FOXN1: variants seen among roughly 807,000 people sequenced by gnomAD.
The protein encoded by FOXN1 is forkhead box N1, also known as forkhead box protein N1.
Under a neutral mutation model 49.0 loss-of-function variants are expected in FOXN1, and 15 were observed. The observed-to-expected ratio is 0.31, with a 90% CI of 0.20 to 0.47. The LOEUF (loss-of-function observed/expected upper bound fraction) is 0.47, where lower values mean the gene tolerates loss of function less well. FOXN1 is among the 20% of genes least tolerant of loss of function. The pLI is 1.00. For missense variants in FOXN1, 800 were observed against 842.8 expected (o/e 0.95, Z 0.63); for synonymous variants, 356 against 369.0 (o/e 0.96, Z 0.40).
In FOXN1 at chr17:28,534,323, T is replaced by G; in HGVS notation, c.928-8T>G. 1 of 1,614,152 alleles carries G rather than the reference T, an allele frequency of 6.2e-7. No individual in the cohort carries two copies. The highest frequency in any genetic ancestry group is 8.5e-7 in the Non-Finnish European group (1 of 1,180,018). ...GGCCTGAATGCTTGTCTTGCTCTGT[T>G]CCGGCAGACAGCACCCGATGGCTGG... is the stretch of plus-strand genomic sequence containing the variant. On this transcript the variant is annotated splice_region_variant and splice_polypyrimidine_tract_variant and intron_variant, in intron 6 of 8. Coordinates refer to ENST00000579795, the MANE Select transcript of FOXN1 (RefSeq NM_001369369.1). This position sits in a 1 kb window ranked among gnomAD's most constrained non-coding sequence, Gnocchi z 4.1.
rs551310590 is a variant in FOXN1, at chr17:28,534,995, C to T, written c.1424C>T (p.Pro475Leu). Residue 475 changes from proline (P) to leucine (L), a missense_variant, in exon 8 of 9, where the codon CCG becomes CTG. Pro to Leu is a moderately conservative substitution (Grantham distance 98, BLOSUM62 -3). Around this residue, in one of 3 missense-constraint regions of FOXN1, gnomAD observed 344 missense variants for 366.1 expected, o/e 0.94. Coordinates refer to ENST00000579795, the MANE Select transcript of FOXN1 (RefSeq NM_001369369.1). This position sits in a 1 kb window ranked among gnomAD's most constrained non-coding sequence, Gnocchi z 4.1. ...PGPPQPLFPQ[P>L]DGHLELRAQP... Reference sequence around the variant, plus strand: ...CCCCCGCAGCCATTGTTCCCACAGCCGGACGGGCACCTTGAGCTGCGGGCC... The same window carrying T: ...CCCCCGCAGCCATTGTTCCCACAGCTGGACGGGCACCTTGAGCTGCGGGCC... 5.1e-5 allele frequency: 82 copies of T among 1,614,002 alleles called. 2 individuals are homozygous for T. In the South Asian group the frequency reaches 6.6e-4, roughly 13 times the overall value.
intron 4 of FOXN1, among the ~76,000 whole-genome samples, chr17:28,528,135 T>C (rs2069815703): frequency 6.6e-6 from 1 of 152,094 alleles, no homozygotes; most frequent in Non-Finnish European, 1.5e-5. Flanking sequence ...CTGGCCCTGA[T>C]CTCAGCCAAG....
chr17:28,533,535 G>A (rs1184075885), intron 6 of FOXN1, among the ~76,000 whole-genome samples: 2 of 121,474 alleles, frequency 1.6e-5, no homozygotes, highest in Non-Finnish European at 3.4e-5. Flanking sequence ...CACGCCCCCT[G>A]GGCACACTCA....
intron 5 of FOXN1, 33 bp downstream of exon 5, chr17:28,529,257 G>A (rs1254490585): frequency 1.2e-6 from 2 of 1,613,318 alleles, no homozygotes; most frequent in Non-Finnish European, 8.5e-7. Flanking sequence ...ATGGGAGGAG[G>A]AGGGGAGTGA....
Position 28,534,344 on chromosome 17 carries a change from G to T in FOXN1, c.941G>T (p.Gly314Val). Residue 314 changes from glycine to valine, a missense_variant, in exon 7 of 9, where the codon GGC becomes GTC. Physicochemically the swap from Gly to Val is moderately radical, Grantham distance 109. Around this residue, in one of 3 missense-constraint regions of FOXN1, gnomAD observed 73 missense variants for 118.9 expected, o/e 0.61. Transcript: ENST00000579795. This position sits in a 1 kb window ranked among gnomAD's most constrained non-coding sequence, Gnocchi z 4.1. ...CTGTTCCGGCAGACAGCACCCGATG[G>T]CTGGAAGAATTCTGTCCGGCACAAC... The part of the protein sequence containing the change: ...HFPYFKTAPD[G>V]WKNSVRHNLS... 1.2e-6 allele frequency: 2 copies of T among 1,614,178 alleles called. No individual in the cohort carries two copies. The highest frequency in any genetic ancestry group is 1.7e-6 in the Non-Finnish European group (2 of 1,180,024).
At chr17:28,532,683 G>A (rs956881953) in intron 6 of FOXN1, among the ~76,000 whole-genome samples, 2 of 152,214 alleles carry the variant, frequency 1.3e-5, no homozygotes, top group Non-Finnish European at 2.9e-5. Context: ...ACTGGACCCT[G>A]GAGTGGCCAG....
chr17:28,517,076 G>A (rs1332788054), intron 1 of FOXN1, among the ~76,000 whole-genome samples: 1 of 62,810 alleles, frequency 1.6e-5, no homozygotes, highest in African/African-American at 4.9e-5. Context: ...CCTCCACAGG[G>A]TACACACTTC....
In FOXN1 at chr17:28,524,665, T is replaced by A; in HGVS notation, c.286T>A (p.Ser96Thr). ...CCCTGGGCCCTTCAGGCTCTCACCC[T>A]CAGACAAGTATCCTGGCTTTGGCTT... Reference protein sequence around the residue: ...PGPGPFRLSPSDKYPGFGFEE... With the variant: ...PGPGPFRLSPTDKYPGFGFEE... The change falls in exon 3 of 9, where the codon TCA (serine) becomes ACA (threonine). Residue 96 changes from serine (S) to threonine (T), a missense_variant. Transcript: ENST00000579795. 6.2e-7 allele frequency: 1 copy of A among 1,613,566 alleles called. No homozygotes were observed.
At chr17:28,529,802 C>T (rs1169263416) in intron 5 of FOXN1, among the ~76,000 whole-genome samples, 2 of 152,144 alleles carry the variant, frequency 1.3e-5, no homozygotes, top group African/African-American at 4.8e-5. Context: ...ATCGGGTCAT[C>T]AGCTAGTGTG....
intron 1 of FOXN1, among the ~76,000 whole-genome samples, chr17:28,507,498 C>T (rs181106683): frequency 6.6e-6 from 1 of 152,304 alleles, no homozygotes; most frequent in African/African-American, 2.4e-5. Context: ...CCTATCCATC[C>T]CCTGCCCCTA....
At chr17:28,510,580 GCACACACACA>G (rs5819850) in intron 1 of FOXN1, among the ~76,000 whole-genome samples, 6,535 of 138,148 alleles carry the variant, frequency 0.047, 431 homozygotes, top group African/African-American at 0.15. Context: ...GCACACACAC[GCACACACACA>G]CACACACACA....
rs373841005 is a variant in FOXN1, at chr17:28,530,788, G to A, written c.870G>A (p.Gly290=). 12 of 1,600,124 alleles carry A rather than the reference G, an allele frequency of 7.5e-6. No individual in the cohort carries two copies. In the African/African-American group the frequency reaches 1.1e-4, roughly 15 times the overall value. The change falls in exon 6 of 9, where the codon GGG becomes GGA. Residue 290 remains glycine (G), a synonymous_variant. Coordinates refer to ENST00000579795, the MANE Select transcript of FOXN1 (RefSeq NM_001369369.1). ...TGGCCCTTAAGAACAGTAAAACTGG[G>A]AGCCTTCCCGTCAGCGAGATCTACA... ...IFMALKNSKT[G]SLPVSEIYNF... is the part of the protein sequence containing the mutation.
rs2069987278 is a variant in FOXN1, at chr17:28,534,075, G to A, written c.928-256G>A. Among the ~76,000 whole-genome samples, 1 of 152,190 alleles carries A rather than the reference G, an allele frequency of 6.6e-6. No individual in the cohort carries two copies. Among genetic ancestry groups the A allele is most frequent in the African/African-American group, 2.4e-5 (1 of 41,434 alleles). ...CCGAATCACCTCGGCAGTCCTCTGA[G>A]GGGTCAGGAAGGGATGCGGGTGGGA... On this transcript the variant is annotated intron_variant, in intron 6 of 8. Transcript: ENST00000579795. This position sits in a 1 kb window ranked among gnomAD's most constrained non-coding sequence, Gnocchi z 4.1.
intron 1 of FOXN1, among the ~76,000 whole-genome samples, chr17:28,517,868 T>G (rs1359823311): frequency 3.2e-4 from 38 of 118,370 alleles, no homozygotes; most frequent in African/African-American, 1.1e-3. Context: ...ACAGGATCCA[T>G]ACCTCCACAG....
intron 8 of FOXN1, 121 bp downstream of exon 8, chr17:28,535,319 G>A: frequency 9.2e-7 from 1 of 1,087,546 alleles, no homozygotes; most frequent in Non-Finnish European, 1.3e-6. Context: ...CTGGTCAACT[G>A]AAGCAGAGGA....
chr17:28,524,220 A>T, intron 2 of FOXN1, 128 bp downstream of exon 2: 1 of 978,192 alleles, frequency 1.0e-6, no homozygotes, highest in South Asian at 1.7e-5. Context: ...ACCAGCAAAC[A>T]AGTCCTCAGG....
In FOXN1 at chr17:28,524,521, T is replaced by C. The variant is rs1219285637; in HGVS notation, c.142T>C (p.Cys48Arg). Residue 48 changes from cysteine (C) to arginine (R), a missense_variant, in exon 3 of 9, where the codon TGC (cysteine) becomes CGC (arginine). Cys to Arg is a radical substitution (Grantham distance 180, BLOSUM62 -3). This residue lies in a region of FOXN1 where 383 missense variants were observed against 357.9 expected (regional missense o/e 1.07). Coordinates refer to ENST00000579795, the MANE Select transcript of FOXN1 (RefSeq NM_001369369.1). Reference protein sequence around the residue: ...APQSKHAGFSCSSFVSDGPPE... With the variant: ...APQSKHAGFSRSSFVSDGPPE... ...TACCCAGAAGCATGCCGGCTTCAGC[T>C]GCTCGTCATTTGTGTCCGACGGCCC... 4.3e-6 allele frequency: 7 copies of C among 1,613,772 alleles called. No individual in the cohort carries two copies. The highest frequency in any genetic ancestry group is 4.2e-6 in the Non-Finnish European group (5 of 1,180,008).
intron 1 of FOXN1, among the ~76,000 whole-genome samples, chr17:28,519,674 A>G (rs562920176): frequency 6.6e-6 from 1 of 152,344 alleles, no homozygotes; most frequent in East Asian, 1.9e-4. Flanking sequence ...TGTCAGCCCC[A>G]GGACACTGGG....
chr17:28,520,941 C>T (rs1469713951), intron 1 of FOXN1, among the ~76,000 whole-genome samples: 2 of 152,168 alleles, frequency 1.3e-5, no homozygotes, highest in African/African-American at 2.4e-5. Flanking sequence ...TTCAGCCAAT[C>T]GCCCCAGGAC....
Sources: allele counts gnomAD v4.1 joint callset (sites outside exome capture counted in the v4.1 genomes callset), GRCh38; gene constraint gnomAD v4.1.1; regional missense constraint gnomAD v4.1.1; non-coding constraint Gnocchi (gnomAD v3.1); transcripts MANE v1.5; gene names NCBI Gene and HGNC (gene_info 2026-07-23, HGNC 2026-07-21).